Variants in HTT observed in about 807,000 individuals in gnomAD.
HTT encodes the protein huntingtin, also known as huntington disease protein.
A neutral mutation model predicts 362.3 loss-of-function variants in HTT; 104 were observed. The ratio of observed to expected loss-of-function variants is 0.29; its 90% CI spans 0.24 to 0.34. The LOEUF is 0.34. Among genes scored for constraint, HTT ranks in the 10% least tolerant of loss-of-function variants. The pLI is 1.00. For synonymous variants in HTT, 1,577 were observed against 1,548.7 expected, an observed-to-expected ratio of 1.02 and a Z score of -0.43; for missense variants, 3,301 against 3,928.6, an observed-to-expected ratio of 0.84 and a Z score of 4.27.
At position 3,150,775 on chromosome 4, in the gene HTT, G is replaced by A. The variant is rs1228167129; in HGVS notation, c.3498+2568G>A. ...CTGCAGGCCGTGCGTGGTGGCTCAC[G>A]CCTGTAATTCCAGAACTTTGGGAGG... On this transcript the variant is annotated intron_variant, in intron 26 of 66. Transcript: ENST00000355072. Among the ~76,000 whole-genome samples the A allele has an allele frequency of 3.9e-5, 6 of 152,186 alleles. No individual in the cohort carries two copies. The South Asian group carries it at 8.3e-4, about 21-fold the overall frequency.
intron 1 of HTT, among the ~76,000 whole-genome samples, chr4:3,076,567 C>T (rs1712564449): frequency 6.6e-6 from 1 of 152,166 alleles, no homozygotes; most frequent in Non-Finnish European, 1.5e-5. Flanking sequence ...TGGCTTATCT[C>T]TTCAGTAAGT....
At chr4:3,188,748 T>G (rs1718882845) in intron 39 of HTT, 2 of 537,020 alleles carry the variant, frequency 3.7e-6, no homozygotes, top group Non-Finnish European at 3.3e-6. Context: ...TACCTGCCAT[T>G]TCATCCTCAG....
At chr4:3,235,139 G>A (rs1721459235) in intron 61 of HTT, 145 bp from the exon 62 acceptor site, 1 of 624,460 alleles carries the variant, frequency 1.6e-6, no homozygotes, top group South Asian at 1.8e-5. Flanking sequence ...GGTTGCAGGG[G>A]CCTGGGGGAG....
At chr4:3,204,436 G>GT (rs753124548) in intron 42 of HTT, among the ~76,000 whole-genome samples, 32 of 152,244 alleles carry the variant, frequency 2.1e-4, no homozygotes, top group Non-Finnish European at 4.1e-4. Context: ...TGCTGGGTAT[G>GT]TTTGTTAATT....
chr4:3,216,654 C>G (rs945956773), intron 51 of HTT, among the ~76,000 whole-genome samples: 5 of 152,180 alleles, frequency 3.3e-5, no homozygotes, highest in African/African-American at 1.2e-4. Flanking sequence ...CCCCATGGCC[C>G]TCTTTAGGCA....
chr4:3,136,269 A>G lies in HTT; in HGVS notation c.2741A>G (p.His914Arg), dbSNP rs1406907399. The stretch of plus-strand genomic sequence containing the variant: ...CGAGTGCTCAATAATGTTGTCATCC[A>G]TTTGCTTGGAGATGAAGACCCCAGG... ...QERVLNNVVI[H>R]LLGDEDPRVR... Residue 914 changes from histidine to arginine, a missense_variant, in exon 21 of 67, where the codon CAT becomes CGT. By Grantham distance (29) the His-to-Arg change is conservative. This residue lies in a region of HTT where 2,316 missense variants were observed against 2,658.5 expected (regional missense o/e 0.87). Coordinates refer to ENST00000355072, the MANE Select transcript of HTT (RefSeq NM_001388492.1). The G allele has an allele frequency of 1.9e-6, 3 of 1,612,578 alleles. No homozygotes were observed. Among genetic ancestry groups the G allele is most frequent in the Non-Finnish European group, 2.5e-6 (3 of 1,178,768 alleles).
At chr4:3,078,409 A>G (rs1712679527) in intron 1 of HTT, among the ~76,000 whole-genome samples, 1 of 152,236 alleles carries the variant, frequency 6.6e-6, no homozygotes, top group South Asian at 2.1e-4. Context: ...AGGAACTTCA[A>G]AGCAGGGAAG....
At chr4:3,230,214 A>G (rs530284700) in intron 60 of HTT, among the ~76,000 whole-genome samples, 172 bp downstream of exon 60, 1 of 152,350 alleles carries the variant, frequency 6.6e-6, no homozygotes, top group South Asian at 2.1e-4. Flanking sequence ...GAGGGGGTTC[A>G]GCGACGGTCA....
At chr4:3,223,333 A>T (rs1720763227) in intron 54 of HTT, 73 bp from the exon 55 acceptor site, 1 of 1,417,474 alleles carries the variant, frequency 7.1e-7, no homozygotes, top group South Asian at 1.4e-5. Flanking sequence ...GGCAGGGAAG[A>T]CTCTGGGTTC....
At position 3,086,997 on chromosome 4, in the gene HTT, G is replaced by C; in HGVS notation, c.322G>C (p.Glu108Gln). 1 of 1,603,410 alleles carries C rather than the reference G, an allele frequency of 6.2e-7. No individual in the cohort carries two copies. The highest frequency in any genetic ancestry group is 8.5e-7 in the Non-Finnish European group (1 of 1,170,524). ...DRVNHCLTIC[E>Q]NIVAQSVRNS... ...TGTGAATCATTGTCTGACAATATGT[G>C]AAAACATAGTGGCACAGTCTGTCAG... The change falls in exon 2 of 67, where the codon GAA (glutamate) becomes CAA (glutamine). Residue 108 changes from glutamate (E) to glutamine (Q), a missense_variant. Transcript: ENST00000355072.
intron 33 of HTT, 32 bp downstream of exon 33, chr4:3,175,139 C>T: frequency 9.5e-6 from 15 of 1,583,794 alleles, no homozygotes; most frequent in Non-Finnish European, 1.3e-5. Flanking sequence ...TCCATCATAC[C>T]TGTTCCTAAT....
intron 2 of HTT, among the ~76,000 whole-genome samples, chr4:3,094,899 C>A (rs573210984): frequency 6.6e-6 from 1 of 150,922 alleles, no homozygotes; most frequent in African/African-American, 2.4e-5. Context: ...GAGTCACGGC[C>A]GGGCAGAGGT....
chr4:3,228,756 G>T lies in HTT; in HGVS notation c.7979+11G>T. On this transcript the variant is annotated intron_variant, in intron 58 of 66. Coordinates refer to ENST00000355072, the MANE Select transcript of HTT (RefSeq NM_001388492.1). This position sits in a 1 kb window ranked among gnomAD's most constrained non-coding sequence, Gnocchi z 4.3. Reference sequence around the variant, plus strand: ...TCCAGTCAACTCCAGGTTTTCCAATGGCCTTTTTCTTTTTAACAGAAATTT... The same window carrying T: ...TCCAGTCAACTCCAGGTTTTCCAATTGCCTTTTTCTTTTTAACAGAAATTT... 2.5e-6 allele frequency: 4 copies of T among 1,571,450 alleles called. No individual in the cohort carries two copies. The highest frequency in any genetic ancestry group is 3.5e-6 in the Non-Finnish European group (4 of 1,156,560).
chr4:3,079,031 A>G (rs564313681), intron 1 of HTT, among the ~76,000 whole-genome samples: 24 of 151,998 alleles, frequency 1.6e-4, no homozygotes, highest in East Asian at 3.9e-4. Context: ...GATTACAGGC[A>G]TGAGCCACTG....
rs71180116 is a variant in HTT, at chr4:3,074,876, C to CCAGCAG, written c.105_110dup (p.Gln37_Gln38dup). ...AGGCCTTCGAGTCCCTCAAGTCCTT[C>CCAGCAG]CAGCAGCAGCAGCAGCAGCAGCAGC... On this transcript the variant is annotated inframe_insertion, in exon 1 of 67. Transcript: ENST00000355072. The CCAGCAG allele has an allele frequency of 0.033, 44,075 of 1,355,652 alleles. 2,655 individuals carry two copies. The highest frequency in any genetic ancestry group is 0.04 in the Middle Eastern group (163 of 4,026). 84.0% of individuals were successfully genotyped at this position (1,355,652 alleles called of 1,614,324 possible). A position where few individuals can be genotyped will look rare whatever the true frequency, so the allele number is the denominator to read the frequency against.
rs1345991084 is a variant in HTT, at chr4:3,218,897, G to A, written c.7242+945G>A. Among the ~76,000 whole-genome samples, 1 of 152,242 alleles carries A rather than the reference G, an allele frequency of 6.6e-6. No homozygotes were observed. The highest frequency in any genetic ancestry group is 6.5e-5 in the Admixed American group (1 of 15,288). On this transcript the variant is annotated intron_variant, in intron 52 of 66. Transcript: ENST00000355072. The surrounding 1 kb of genome is among the most constrained non-coding windows in gnomAD (Gnocchi z 4.4). The stretch of plus-strand genomic sequence containing the variant: ...GAGAATGGAGCCAGGTCCCAGGGAA[G>A]AGGCTTGTGGCTGCCTGAGAAGGGT...
intron 28 of HTT, among the ~76,000 whole-genome samples, chr4:3,157,689 C>T (rs1024169235): frequency 2.1e-4 from 32 of 152,192 alleles, no homozygotes; most frequent in African/African-American, 7.5e-4. Context: ...TTTATGTCAG[C>T]GTAAGAAACT....
In HTT at chr4:3,207,375, G is replaced by C; in HGVS notation, c.6152+18G>C. ...GCTCAGAGGTAATGCTGGAAACACA[G>C]GTCGTCCTTGTGTTAGGACAACCCA... is the stretch of plus-strand genomic sequence containing the variant. On this transcript the variant is annotated intron_variant, in intron 45 of 66. Transcript: ENST00000355072. 2 of 1,593,456 alleles carry C rather than the reference G, an allele frequency of 1.3e-6. No homozygotes were observed. Among genetic ancestry groups the C allele is most frequent in the East Asian group, 2.2e-5 (1 of 44,616 alleles).
intron 5 of HTT, among the ~76,000 whole-genome samples, chr4:3,106,120 C>T (rs1042761667): frequency 6.6e-6 from 1 of 152,130 alleles, no homozygotes; most frequent in Non-Finnish European, 1.5e-5. Context: ...CCTTTGATCC[C>T]AGCACTTCAG....
Sources: allele counts gnomAD v4.1 joint callset (sites outside exome capture counted in the v4.1 genomes callset), GRCh38; gene constraint gnomAD v4.1.1; regional missense constraint gnomAD v4.1.1; non-coding constraint Gnocchi (gnomAD v3.1); transcripts MANE v1.5; gene names NCBI Gene and HGNC (gene_info 2026-07-23, HGNC 2026-07-21).